Variants in RAPGEF6 observed in about 807,000 individuals in gnomAD.
RAPGEF6 encodes the protein Rap guanine nucleotide exchange factor 6.
Under a neutral mutation model 171.4 loss-of-function variants are expected in RAPGEF6, and 56 were observed. The ratio of observed to expected loss-of-function variants is 0.33; its 90% CI spans 0.26 to 0.41. RAPGEF6 has a LOEUF of 0.41. Ranked by LOEUF, RAPGEF6 falls within the 10% of genes least tolerant of loss-of-function variation. The pLI is 1.00. For missense variants in RAPGEF6, 1,674 were observed against 1,921.4 expected, an observed-to-expected ratio of 0.87 and a Z score of 2.41; for synonymous variants, 692 against 650.1, an observed-to-expected ratio of 1.06 and a Z score of -0.98.
intron 7 of RAPGEF6, among the ~76,000 whole-genome samples, chr5:131,515,965 A>G (rs1184000430): frequency 6.6e-6 from 1 of 152,178 alleles, no homozygotes; most frequent in East Asian, 1.9e-4. Context: ...ATTAAAAATC[A>G]GAGCAATTTA....
intron 4 of RAPGEF6, among the ~76,000 whole-genome samples, chr5:131,574,533 C>G (rs1336949534): frequency 2.0e-5 from 3 of 152,220 alleles, no homozygotes; most frequent in African/African-American, 7.2e-5. Flanking sequence ...GCTTCAAGAC[C>G]CCTTAAAACT....
At chr5:131,490,993 A>G (rs1273618454) in intron 14 of RAPGEF6, among the ~76,000 whole-genome samples, 1 of 152,254 alleles carries the variant, frequency 6.6e-6, no homozygotes, top group Admixed American at 6.5e-5. Context: ...TTTCAACAGT[A>G]GTTGGGAAGA....
At chr5:131,612,927 T>C (rs773733546) in intron 1 of RAPGEF6, among the ~76,000 whole-genome samples, 4 of 152,238 alleles carry the variant, frequency 2.6e-5, no homozygotes, top group Non-Finnish European at 4.4e-5. Flanking sequence ...GTTTGAGATA[T>C]ACATGTATCT....
At chr5:131,567,411 C>T in intron 4 of RAPGEF6, among the ~76,000 whole-genome samples, 1 of 152,042 alleles carries the variant, frequency 6.6e-6, no homozygotes, top group Non-Finnish European at 1.5e-5. Flanking sequence ...ATCTAAATTT[C>T]CCTGAAAGTA....
At position 131,431,413 on chromosome 5, in the gene RAPGEF6, A is replaced by C. The variant is rs1445004291; in HGVS notation, c.3975-64T>G. The C allele has an allele frequency of 2.0e-6, 3 of 1,511,706 alleles. No homozygotes were observed. In the South Asian group the frequency reaches 3.9e-5, roughly 20 times the overall value. 93.6% of individuals were successfully genotyped at this position (1,511,706 alleles called of 1,614,324 possible). On this transcript the variant is annotated intron_variant, in intron 25 of 27. Coordinates refer to ENST00000509018, the MANE Select transcript of RAPGEF6 (RefSeq NM_016340.6). ...GAAAAACTATCTTCTCTCTGTTTCA[A>C]GTTATTATTGCCTGTGAGAAACTAC...
intron 6 of RAPGEF6, among the ~76,000 whole-genome samples, chr5:131,533,212 A>C (rs868335857): frequency 7.7e-5 from 11 of 142,306 alleles, no homozygotes; most frequent in East Asian, 2.1e-4. Context: ...ACACACACAC[A>C]CCCCATCCTC....
intron 25 of RAPGEF6, among the ~76,000 whole-genome samples, chr5:131,432,442 C>G: frequency 6.6e-6 from 1 of 152,090 alleles, no homozygotes; most frequent in Non-Finnish European, 1.5e-5. Flanking sequence ...CATGGTGAAA[C>G]CCTGTCTCTA....
At chr5:131,578,095 T>A (rs4706025) in intron 4 of RAPGEF6, among the ~76,000 whole-genome samples, 117,159 of 152,076 alleles carry the variant, frequency 0.77, 45,450 homozygotes, top group African/African-American at 0.82. Flanking sequence ...TTCTGGTTTT[T>A]CCTCAAACCG....
intron 3 of RAPGEF6, among the ~76,000 whole-genome samples, chr5:131,598,293 G>A (rs544711812): frequency 6.6e-6 from 1 of 152,070 alleles, no homozygotes; most frequent in East Asian, 1.9e-4. Flanking sequence ...AACACAGACA[G>A]AAAAAAGGAC....
Position 131,462,064 on chromosome 5 carries a change from T to C in RAPGEF6, c.2505A>G (p.Glu835=), listed in dbSNP as rs1179778069. 3 of 1,556,084 alleles carry C rather than the reference T, an allele frequency of 1.9e-6. No individual in the cohort carries two copies. Among genetic ancestry groups the C allele is most frequent in the African/African-American group, 1.4e-5 (1 of 72,892 alleles). The change falls in exon 19 of 28, where the codon GAA becomes GAG. Residue 835 remains glutamate (E), a synonymous_variant. Coordinates refer to ENST00000509018, the MANE Select transcript of RAPGEF6 (RefSeq NM_016340.6). ...CTTCATCTGAACATAAGGTTTCTGT[T>C]TCCATGTTATTTTTTAAGTAATACC... The part of the protein sequence containing the change: ...NGRYYLKNNM[E]TETLCSDEDA...
At chr5:131,526,653 TTC>T (rs1374693573) in intron 6 of RAPGEF6, among the ~76,000 whole-genome samples, 1 of 152,184 alleles carries the variant, frequency 6.6e-6, no homozygotes. Flanking sequence ...TACCTGCCCT[TTC>T]TCTTTCTCTT....
chr5:131,541,880 A>G (rs1256916184), intron 6 of RAPGEF6, among the ~76,000 whole-genome samples: 1 of 152,360 alleles, frequency 6.6e-6, no homozygotes, highest in East Asian at 1.9e-4. Context: ...GCTAACTACT[A>G]TCAGATAGGC....
chr5:131,521,897 T>A lies in RAPGEF6; in HGVS notation c.496-376A>T, dbSNP rs867018645. Among the ~76,000 whole-genome samples the A allele has an allele frequency of 8.8e-3, 1,073 of 121,698 alleles. 7 individuals are homozygous for A. The highest frequency in any genetic ancestry group is 0.06 in the Middle Eastern group (14 of 232). The allele number at this position is 121,698 out of a possible 152,430, so 79.8% of individuals were successfully genotyped here. On this transcript the variant is annotated intron_variant, in intron 6 of 27. Transcript: ENST00000509018. ...CACACACACACACACACACACTCTC[T>A]CTCTCTCTCACACACACACTCACTC...
intron 24 of RAPGEF6, among the ~76,000 whole-genome samples, chr5:131,439,048 G>C (rs184022932): frequency 1.3e-5 from 2 of 151,856 alleles, no homozygotes; most frequent in African/African-American, 4.8e-5. Context: ...TCAGTCTCCC[G>C]GGTAGCTGGG....
At chr5:131,598,655 G>A (rs1478039273) in intron 3 of RAPGEF6, among the ~76,000 whole-genome samples, 7 of 152,158 alleles carry the variant, frequency 4.6e-5, no homozygotes, top group Admixed American at 2.0e-4. Flanking sequence ...TCTTAAAAGT[G>A]TTACAGAAAA....
rs141723088 is a variant in RAPGEF6, at chr5:131,488,041, C to T, written c.1840+1505G>A. ...ATCTAAACATGAGGTATTTAGCTTT[C>T]TCCTTGGTGTTTTGCTTTCCTCCTA... On this transcript the variant is annotated intron_variant, in intron 15 of 27. Coordinates refer to ENST00000509018, the MANE Select transcript of RAPGEF6 (RefSeq NM_016340.6). Among the ~76,000 whole-genome samples, 553 of 152,166 alleles carry T rather than the reference C, an allele frequency of 3.6e-3. 3 individuals are homozygous for T. The highest frequency in any genetic ancestry group is 0.011 in the African/African-American group (449 of 41,508).
At chr5:131,532,194 G>A (rs977165470) in intron 6 of RAPGEF6, 4 of 436,384 alleles carry the variant, frequency 9.2e-6, no homozygotes, top group African/African-American at 8.2e-5. Context: ...TCAAACCAGA[G>A]CTACAGTGAT....
chr5:131,574,247 C>T (rs1413757196), intron 4 of RAPGEF6, among the ~76,000 whole-genome samples: 1 of 152,168 alleles, frequency 6.6e-6, no homozygotes, highest in East Asian at 1.9e-4. Context: ...TTGTCCAATT[C>T]ACATCGCCGC....
chr5:131,521,680 T>C (rs934693271), intron 6 of RAPGEF6, among the ~76,000 whole-genome samples, 159 bp from the exon 7 acceptor site: 1 of 152,152 alleles, frequency 6.6e-6, no homozygotes, highest in Non-Finnish European at 1.5e-5. Context: ...ATAAGAACCA[T>C]ATGGTACTCT....
Sources: gnomAD v4.1 joint callset for allele counts (sites outside exome capture counted in the v4.1 genomes callset) on GRCh38, gnomAD v4.1.1 for gene constraint, MANE v1.5 for transcripts, NCBI Gene and HGNC (gene_info 2026-07-23, HGNC 2026-07-21) for gene names.